The following NMNAT2 variants were observed in gnomAD, a reference collection of about 807,000 sequenced individuals.
NMNAT2 encodes nicotinamide/nicotinic acid mononucleotide adenylyltransferase 2.
Under a neutral mutation model 41.6 loss-of-function variants are expected in NMNAT2, and 11 were observed. The observed-to-expected ratio is 0.26, with a 90% CI of 0.17 to 0.44. The LOEUF (loss-of-function observed/expected upper bound fraction) is 0.44, where lower values mean the gene tolerates loss of function less well. NMNAT2 is among the 20% of genes least tolerant of loss of function. NMNAT2 has a pLI of 1.00. For synonymous variants in NMNAT2, 148 were observed against 151.2 expected (o/e 0.98, Z 0.16); for missense variants, 288 against 407.7 (o/e 0.71, Z 2.53).
intron 1 of NMNAT2, among the ~76,000 whole-genome samples, chr1:183,366,106 G>C (rs1571621674): frequency 6.6e-6 from 1 of 152,184 alleles, no homozygotes; most frequent in Admixed American, 6.5e-5. Flanking sequence ...TCCTTAGAAA[G>C]AAACCCAAGA....
rs1660353100 is a variant in NMNAT2 at position 183,250,728 on chromosome 1, T to C, written c.*1913A>G. ...CTAGTCAAACACTGATACCCCAAAATAGGATTTTCCTTCCTTCCTCTGAAG... is the reference window on the plus strand; with the variant it reads ...CTAGTCAAACACTGATACCCCAAAACAGGATTTTCCTTCCTTCCTCTGAAG... On this transcript the variant is annotated 3_prime_UTR_variant, in exon 11 of 11. Coordinates refer to ENST00000287713, the MANE Select transcript of NMNAT2 (RefSeq NM_015039.4). 6.6e-6 allele frequency: 1 copy of C among 152,592 alleles called. No homozygotes were observed. The highest frequency in any genetic ancestry group is 2.1e-4 in the South Asian group (1 of 4,828). 9.5% of individuals were successfully genotyped at this position (152,592 alleles called of 1,614,324 possible).
chr1:183,383,441 C>T (rs7542872), intron 1 of NMNAT2, among the ~76,000 whole-genome samples: 1,766 of 152,336 alleles, frequency 0.012, 33 homozygotes, highest in African/African-American at 0.04. Flanking sequence ...AATTCCTCCC[C>T]CCAAAATGGG....
chr1:183,299,765 G>T (rs1226252705), intron 1 of NMNAT2, among the ~76,000 whole-genome samples: 6 of 152,152 alleles, frequency 3.9e-5, no homozygotes, highest in Non-Finnish European at 8.8e-5. Flanking sequence ...GCTTGTGGGA[G>T]ATCTTTGTGG....
At chr1:183,366,171 C>T (rs1304868478) in intron 1 of NMNAT2, among the ~76,000 whole-genome samples, 1 of 152,174 alleles carries the variant, frequency 6.6e-6, no homozygotes, top group Non-Finnish European at 1.5e-5. Context: ...TTGTATGACC[C>T]ATCCCGTCTT....
At chr1:183,418,023 C>A (rs1649303899) in intron 1 of NMNAT2, among the ~76,000 whole-genome samples, 160 bp downstream of exon 1, 1 of 152,218 alleles carries the variant, frequency 6.6e-6, no homozygotes, top group African/African-American at 2.4e-5. Flanking sequence ...CGTACCCTCC[C>A]CTGAGTCCAA....
intron 8 of NMNAT2, among the ~76,000 whole-genome samples, chr1:183,271,962 A>T (rs962230152): frequency 1.3e-5 from 2 of 152,154 alleles, no homozygotes; most frequent in Non-Finnish European, 2.9e-5. Flanking sequence ...CATGTTGGCC[A>T]GGCTGGTTTT....
At chr1:183,294,640 C>T (rs944116975) in intron 1 of NMNAT2, among the ~76,000 whole-genome samples, 1 of 152,080 alleles carries the variant, frequency 6.6e-6, no homozygotes, top group Admixed American at 6.6e-5. Flanking sequence ...AAATACAAAA[C>T]TTAGCCAGAC....
intron 10 of NMNAT2, among the ~76,000 whole-genome samples, chr1:183,255,323 G>A (rs1660487786): frequency 6.6e-6 from 1 of 152,084 alleles, no homozygotes; most frequent in African/African-American, 2.4e-5. Context: ...CTACAGCTTT[G>A]TAATATAATT....
intron 4 of NMNAT2, among the ~76,000 whole-genome samples, chr1:183,287,760 T>C (rs972480647): frequency 6.6e-6 from 1 of 152,348 alleles, no homozygotes; most frequent in African/African-American, 2.4e-5. Context: ...CACCCACTCC[T>C]GCACGCTACC....
At chr1:183,346,748 A>G (rs761030469) in intron 1 of NMNAT2, among the ~76,000 whole-genome samples, 7 of 152,174 alleles carry the variant, frequency 4.6e-5, no homozygotes, top group Non-Finnish European at 1.0e-4. Flanking sequence ...GCTCATCGGA[A>G]CACTCATTCT....
chr1:183,320,801 A>C (rs1016560712), intron 1 of NMNAT2, among the ~76,000 whole-genome samples: 2 of 152,216 alleles, frequency 1.3e-5, no homozygotes, highest in Non-Finnish European at 2.9e-5. Flanking sequence ...CAAGCAGGTC[A>C]CAGTTCTTTG....
intron 1 of NMNAT2, among the ~76,000 whole-genome samples, chr1:183,344,316 A>G (rs1464425038): frequency 6.6e-6 from 1 of 152,196 alleles, no homozygotes; most frequent in Non-Finnish European, 1.5e-5. Flanking sequence ...CCCAGGAGGT[A>G]CAGTATAACA....
chr1:183,389,816 GA>G lies in NMNAT2; in HGVS notation c.85+28366del, dbSNP rs1231733725. Among the ~76,000 whole-genome samples the G allele has an allele frequency of 7.0e-5, 4 of 57,546 alleles. 1 individual carries two copies. Among genetic ancestry groups the G allele is most frequent in the African/African-American group, 2.3e-4 (4 of 17,138 alleles). 37.8% of individuals were successfully genotyped at this position (57,546 alleles called of 152,430 possible). A position where few individuals can be genotyped will look rare whatever the true frequency, so the allele number is the denominator to read the frequency against. ...AGAAAGAAAGAAAGAAAGAAAGAAA[GA>G]AAGAAAGAAAGAAAGAAAGAAAGAA... On this transcript the variant is annotated intron_variant, in intron 1 of 10. Coordinates refer to ENST00000287713, the MANE Select transcript of NMNAT2 (RefSeq NM_015039.4).
chr1:183,386,248 A>T (rs1648239044), intron 1 of NMNAT2, among the ~76,000 whole-genome samples: 1 of 152,182 alleles, frequency 6.6e-6, no homozygotes, highest in South Asian at 2.1e-4. Context: ...TACCTTTGAG[A>T]GATTTAGAAA....
chr1:183,277,503 A>T (rs1453927144), intron 8 of NMNAT2, among the ~76,000 whole-genome samples: 1 of 122,286 alleles, frequency 8.2e-6, no homozygotes, highest in Non-Finnish European at 1.6e-5. Flanking sequence ...TGACAGAGTG[A>T]CTCCGTCTCA....
intron 8 of NMNAT2, among the ~76,000 whole-genome samples, chr1:183,271,015 G>C (rs898983013): frequency 6.6e-6 from 1 of 152,154 alleles, no homozygotes; most frequent in Non-Finnish European, 1.5e-5. Flanking sequence ...TGGTTGGCTG[G>C]AAAAATGTAG....
intron 1 of NMNAT2, among the ~76,000 whole-genome samples, chr1:183,374,022 T>G (rs1396832538): frequency 2.0e-5 from 3 of 152,220 alleles, no homozygotes; most frequent in African/African-American, 7.2e-5. Flanking sequence ...TTCATGTAAC[T>G]CTTATGCAAT....
chr1:183,347,460 A>G (rs554527606), intron 1 of NMNAT2, among the ~76,000 whole-genome samples: 7 of 152,202 alleles, frequency 4.6e-5, no homozygotes, highest in African/African-American at 1.4e-4. Flanking sequence ...TATCTCTCTA[A>G]AAATGATGAT....
At chr1:183,270,534 A>G (rs959348131) in intron 8 of NMNAT2, among the ~76,000 whole-genome samples, 9 of 151,826 alleles carry the variant, frequency 5.9e-5, no homozygotes, top group Non-Finnish European at 1.2e-4. Context: ...TCTTAATGAA[A>G]AAAAAAAAAA....
Sources: gnomAD v4.1 joint callset for allele counts (sites outside exome capture counted in the v4.1 genomes callset) on GRCh38, gnomAD v4.1.1 for gene constraint, MANE v1.5 for transcripts, NCBI Gene and HGNC (gene_info 2026-07-23, HGNC 2026-07-21) for gene names.